Variants in TENM3 observed in about 807,000 individuals in gnomAD.
TENM3 encodes the protein teneurin-3.
In TENM3, 63 loss-of-function variants were observed where a neutral mutation model predicts 255.1. That is an observed-to-expected ratio of 0.25 (90% CI 0.20 to 0.30). The LOEUF is 0.30. Among genes scored for constraint, TENM3 ranks in the 10% least tolerant of loss-of-function variants. The probability of loss-of-function intolerance (pLI) is 1.00; values close to 1 mark genes in which losing one functional copy is unlikely to be tolerated. For synonymous variants in TENM3, 1,306 were observed against 1,322.3 expected, an observed-to-expected ratio of 0.99 and a Z score of 0.27; for missense variants, 2,929 against 3,461.1, an observed-to-expected ratio of 0.85 and a Z score of 3.86.
chr4:182,392,061 C>CAGTA (rs1329356313), intron 3 of TENM3, among the ~76,000 whole-genome samples: 12 of 152,120 alleles, frequency 7.9e-5, no homozygotes, highest in African/African-American at 2.9e-4. Context: ...ATTCAACTAC[C>CAGTA]AGTACTCTCA....
At chr4:182,025,675 G>A in the TENM3 span, among the ~76,000 whole-genome samples, 5 of 151,874 alleles carry the variant, frequency 3.3e-5, no homozygotes, top group African/African-American at 9.7e-5. Flanking sequence ...CCACATTCTC[G>A]CAAGTATTTG....
At chr4:182,208,617 A>G (rs1361162344) in intron 1 of TENM3, among the ~76,000 whole-genome samples, 1 of 152,182 alleles carries the variant, frequency 6.6e-6, no homozygotes, top group African/African-American at 2.4e-5. Flanking sequence ...TAGAGTTCAA[A>G]GGTAGCATTT....
At chr4:182,443,943 A>T (rs1395480729) in intron 3 of TENM3, among the ~76,000 whole-genome samples, 1 of 152,128 alleles carries the variant, frequency 6.6e-6, no homozygotes, top group Non-Finnish European at 1.5e-5. Context: ...ATAATTTAAC[A>T]CCTTTAAAAG....
At chr4:182,036,115 C>T in the TENM3 span, among the ~76,000 whole-genome samples, 1 of 152,314 alleles carries the variant, frequency 6.6e-6, no homozygotes, top group East Asian at 1.9e-4. Flanking sequence ...GGAGCCTTCA[C>T]TGGGTCCCTT....
chr4:182,602,535 C>G (rs1747997427), intron 4 of TENM3, among the ~76,000 whole-genome samples: 1 of 152,200 alleles, frequency 6.6e-6, no homozygotes, highest in Non-Finnish European at 1.5e-5. Flanking sequence ...TTCTTTTACT[C>G]TTGACCTAAG....
the TENM3 span, among the ~76,000 whole-genome samples, chr4:181,631,848 C>T: frequency 6.6e-6 from 1 of 152,164 alleles, no homozygotes; most frequent in African/African-American, 2.4e-5. Context: ...AAGTGCATTG[C>T]CAAAAGTGTG....
the TENM3 span, among the ~76,000 whole-genome samples, chr4:182,065,924 ATGCTTTTG>A: frequency 6.6e-6 from 1 of 152,178 alleles, no homozygotes. Flanking sequence ...TCCCAGCAAT[ATGCTTTTG>A]GCTGTTGTTA....
chr4:182,647,369 A>G (rs965884263), intron 5 of TENM3, among the ~76,000 whole-genome samples: 1 of 152,014 alleles, frequency 6.6e-6, no homozygotes, highest in African/African-American at 2.4e-5. Context: ...TCAAACAACA[A>G]CTCTCCATTT....
the TENM3 span, among the ~76,000 whole-genome samples, chr4:181,454,691 T>TTTTTTTTTTTTC: frequency 2.0e-5 from 3 of 150,226 alleles, no homozygotes; most frequent in Admixed American, 6.6e-5. Context: ...ACTTTTTTTT[T>TTTTTTTTTTTTC]CTGGTGTGCC....
At chr4:181,482,189 T>G in the TENM3 span, among the ~76,000 whole-genome samples, 1 of 152,154 alleles carries the variant, frequency 6.6e-6, no homozygotes, top group African/African-American at 2.4e-5. Flanking sequence ...ATATATATAA[T>G]GTAATAGTGA....
At chr4:181,604,213 C>G in the TENM3 span, among the ~76,000 whole-genome samples, 4 of 151,908 alleles carry the variant, frequency 2.6e-5, no homozygotes, top group Admixed American at 1.3e-4. Context: ...TGCAGTGAGC[C>G]GAGATCGCGC....
At chr4:182,071,803 C>T in the TENM3 span, among the ~76,000 whole-genome samples, 2 of 152,144 alleles carry the variant, frequency 1.3e-5, no homozygotes, top group African/African-American at 2.4e-5. Context: ...ACTGATCTGT[C>T]GAACACCAGG....
At chr4:181,737,138 A>G in the TENM3 span, among the ~76,000 whole-genome samples, 1 of 152,168 alleles carries the variant, frequency 6.6e-6, no homozygotes, top group Non-Finnish European at 1.5e-5. Context: ...CCATGGCACC[A>G]TTGCAACCAA....
At chr4:182,309,003 T>A (rs992866483) in intron 1 of TENM3, among the ~76,000 whole-genome samples, 2 of 152,186 alleles carry the variant, frequency 1.3e-5, no homozygotes, top group Non-Finnish European at 2.9e-5. Context: ...ACATTGATAC[T>A]GAGTCCAGAA....
chr4:181,709,740 T>A, the TENM3 span, among the ~76,000 whole-genome samples: 1 of 152,024 alleles, frequency 6.6e-6, no homozygotes, highest in Non-Finnish European at 1.5e-5. Context: ...ACTGGGAGAC[T>A]AGTTGGGAGT....
upstream of TENM3, chr4:182,144,213 C>G (rs1268148438): frequency 6.6e-6 from 1 of 151,838 alleles, no homozygotes; most frequent in Non-Finnish European, 1.5e-5. Context: ...CACACACACA[C>G]ACACACACAC....
rs751807824 is a variant in TENM3, at chr4:182,412,264, C to T, written c.511+65335C>T. 1.6e-4 allele frequency among the ~76,000 whole-genome samples: 24 copies of T among 152,038 alleles called. 1 individual carries two copies. Among genetic ancestry groups the T allele is most frequent in the South Asian group, 6.2e-4 (3 of 4,818 alleles). ...TAATACACCCAGGTTCATGACAGAA[C>T]GAGAGCTTCAAGGTGCCAATACAAG... On this transcript the variant is annotated intron_variant, in intron 3 of 27. Transcript: ENST00000511685.
the TENM3 span, among the ~76,000 whole-genome samples, chr4:181,666,529 A>G: frequency 1.3e-5 from 2 of 152,164 alleles, no homozygotes; most frequent in African/African-American, 4.8e-5. Flanking sequence ...ATGAACATAT[A>G]TTACTGAGTC....
At chr4:181,932,823 A>C in the TENM3 span, among the ~76,000 whole-genome samples, 1 of 152,236 alleles carries the variant, frequency 6.6e-6, no homozygotes, top group Non-Finnish European at 1.5e-5. Context: ...ACCATGGAAT[A>C]CTGTGCAGCC....
Sources: gnomAD v4.1 joint callset for allele counts (sites outside exome capture counted in the v4.1 genomes callset) on GRCh38, gnomAD v4.1.1 for gene constraint, MANE v1.5 for transcripts, NCBI Gene and HGNC (gene_info 2026-07-23, HGNC 2026-07-21) for gene names.